Variants in NEK1 observed in about 807,000 individuals in gnomAD.
NEK1 encodes NIMA related kinase 1, also known as serine/threonine-protein kinase Nek1.
A neutral mutation model predicts 182.1 loss-of-function variants in NEK1; 137 were observed. That is an observed-to-expected ratio of 0.75 (90% CI 0.65 to 0.87). NEK1 has a LOEUF of 0.87. NEK1 is among the 40% of genes least tolerant of loss of function. NEK1 has a pLI of 0.00. For missense variants in NEK1, 1,391 were observed against 1,494.4 expected (o/e 0.93, Z 1.14); for synonymous variants, 513 against 492.2 (o/e 1.04, Z -0.56).
At chr4:169,507,183 G>GTTTTTT (rs372604613) in intron 22 of NEK1, 51 bp from the exon 23 acceptor site, 35 of 584,192 alleles carry the variant, frequency 6.0e-5, no homozygotes, top group East Asian at 8.3e-5. Flanking sequence ...AAGGGCAGAG[G>GTTTTTT]TTTTTTTTTT....
At chr4:169,408,490 A>G (rs1234441223) in intron 31 of NEK1, among the ~76,000 whole-genome samples, 1 of 151,638 alleles carries the variant, frequency 6.6e-6, no homozygotes, top group Non-Finnish European at 1.5e-5. Flanking sequence ...TTTTATTTCA[A>G]TAGTTTTTGA....
At chr4:169,550,830 T>C (rs75695053) in intron 18 of NEK1, among the ~76,000 whole-genome samples, 1,836 of 152,308 alleles carry the variant, frequency 0.012, 31 homozygotes, top group African/African-American at 0.041. Flanking sequence ...TTCAGCACTA[T>C]GCTTTTGGGC....
At chr4:169,569,467 CCTCCCTCT>C (rs201240082) in intron 12 of NEK1, among the ~76,000 whole-genome samples, 11 of 118,266 alleles carry the variant, frequency 9.3e-5, no homozygotes, top group East Asian at 4.9e-4. Context: ...TCTCTCCCTC[CCTCCCTCT>C]CTCCCTCTCT....
chr4:169,525,350 G>A (rs1462654063), intron 19 of NEK1, among the ~76,000 whole-genome samples: 1 of 151,950 alleles, frequency 6.6e-6, no homozygotes, highest in Non-Finnish European at 1.5e-5. Context: ...GGCGGGTCTC[G>A]AACTCCTGAC....
At chr4:169,399,521 G>A (rs1303354426) in intron 35 of NEK1, among the ~76,000 whole-genome samples, 2 of 151,720 alleles carry the variant, frequency 1.3e-5, no homozygotes, top group East Asian at 3.9e-4. Context: ...AGGTTGCAAT[G>A]AGCCGAGATC....
intron 23 of NEK1, among the ~76,000 whole-genome samples, chr4:169,483,308 C>T (rs1449950724): frequency 6.6e-6 from 1 of 151,852 alleles, no homozygotes; most frequent in Non-Finnish European, 1.5e-5. Flanking sequence ...GATATAATGA[C>T]AATAATGAAA....
intron 26 of NEK1, among the ~76,000 whole-genome samples, chr4:169,465,820 A>C (rs745325115): frequency 1.4e-4 from 22 of 152,168 alleles, no homozygotes; most frequent in Admixed American, 1.3e-4. Context: ...ACAAAGCTTA[A>C]AAGCAAGACT....
chr4:169,536,906 G>A (rs931671643), intron 19 of NEK1, among the ~76,000 whole-genome samples: 1 of 152,078 alleles, frequency 6.6e-6, no homozygotes, highest in Non-Finnish European at 1.5e-5. Flanking sequence ...ACAAATTTAA[G>A]TATCTGTGTT....
intron 18 of NEK1, among the ~76,000 whole-genome samples, chr4:169,552,370 A>C (rs1473656947): frequency 1.3e-5 from 2 of 152,018 alleles, no homozygotes; most frequent in Admixed American, 1.3e-4. Flanking sequence ...TGCCAAAAAA[A>C]AAAAAGCATT....
intron 4 of NEK1, 29 bp downstream of exon 4, chr4:169,601,979 T>G: frequency 6.7e-7 from 1 of 1,488,364 alleles, no homozygotes; most frequent in East Asian, 2.3e-5. Flanking sequence ...TCTTAGGATT[T>G]TTTAACTCTC....
At chr4:169,401,013 G>GA (rs921324263) in intron 33 of NEK1, among the ~76,000 whole-genome samples, 42 of 151,952 alleles carry the variant, frequency 2.8e-4, no homozygotes, top group Non-Finnish European at 5.4e-4. Flanking sequence ...ATAAACACGG[G>GA]AAACACCATG....
intron 26 of NEK1, among the ~76,000 whole-genome samples, chr4:169,470,394 C>T (rs1415648478): frequency 6.6e-6 from 1 of 152,138 alleles, no homozygotes; most frequent in African/African-American, 2.4e-5. Context: ...AGTTTGACTG[C>T]ATATGAAATT....
At chr4:169,509,790 A>C (rs1380444743) in intron 19 of NEK1, among the ~76,000 whole-genome samples, 1 of 152,160 alleles carries the variant, frequency 6.6e-6, no homozygotes, top group Non-Finnish European at 1.5e-5. Flanking sequence ...GAAAATGTGA[A>C]TCATTTATAA....
chr4:169,400,198 T>A, intron 35 of NEK1, 27 bp downstream of exon 35: 7 of 1,561,790 alleles, frequency 4.5e-6, no homozygotes, highest in Non-Finnish European at 6.1e-6. Context: ...TTACTGAAAA[T>A]TATACAGACA....
intron 6 of NEK1, among the ~76,000 whole-genome samples, chr4:169,590,322 A>AGACAGACG (rs1384697313): frequency 6.7e-4 from 67 of 100,558 alleles, no homozygotes; most frequent in African/African-American, 4.8e-3. Context: ...AACAATAGAT[A>AGACAGACG]GACAGACAGA....
At chr4:169,590,151 T>A (rs957006698) in intron 6 of NEK1, among the ~76,000 whole-genome samples, 1 of 151,668 alleles carries the variant, frequency 6.6e-6, no homozygotes, top group African/African-American at 2.4e-5. Context: ...CTACTAAAAC[T>A]AAAAAAAATT....
chr4:169,406,630 T>C lies in NEK1; in HGVS notation c.3340A>G (p.Asn1114Asp), dbSNP rs1251309372. Residue 1114 changes from asparagine (N) to aspartate (D), a missense_variant, in exon 32 of 36, where the codon AAC becomes GAC. Transcript: ENST00000507142. ...GAATCAGAAGGTCCTTCTTTAATGTTTTCATCTTCAATTTCATCTATTTCA... is the reference window on the plus strand; with the variant it reads ...GAATCAGAAGGTCCTTCTTTAATGTCTTCATCTTCAATTTCATCTATTTCA... ...NLEIDEIEDE[N>D]IKEGPSDSED... 1 of 1,607,062 alleles carries C rather than the reference T, an allele frequency of 6.2e-7. No homozygotes were observed. Among genetic ancestry groups the C allele is most frequent in the East Asian group, 2.2e-5 (1 of 44,616 alleles).
At chr4:169,435,172 C>T (rs562152650) in intron 28 of NEK1, among the ~76,000 whole-genome samples, 20 of 152,258 alleles carry the variant, frequency 1.3e-4, no homozygotes, top group African/African-American at 4.3e-4. Flanking sequence ...GGTGCCAGCA[C>T]GGTTGGTTCT....
intron 27 of NEK1, among the ~76,000 whole-genome samples, chr4:169,460,723 G>A (rs1561228057): frequency 6.6e-6 from 1 of 152,024 alleles, no homozygotes; most frequent in African/African-American, 2.4e-5. Flanking sequence ...TCACTTATAA[G>A]GTAAAGAAAA....
Sources: gnomAD v4.1 joint callset for allele counts (sites outside exome capture counted in the v4.1 genomes callset) on GRCh38, gnomAD v4.1.1 for gene constraint, MANE v1.5 for transcripts, NCBI Gene and HGNC (gene_info 2026-07-23, HGNC 2026-07-21) for gene names.